The following RNLS variants were observed in gnomAD, a reference collection of about 807,000 sequenced individuals.
The protein encoded by RNLS is renalase, FAD dependent amine oxidase, also known as renalase.
In RNLS, 39 loss-of-function variants were observed where a neutral mutation model predicts 39.8. The observed-to-expected ratio is 0.98, with a 90% CI of 0.76 to 1.28. The LOEUF is 1.28. RNLS is among the 50% of genes most tolerant of loss of function. RNLS has a pLI of 0.00. For missense variants in RNLS, 410 were observed against 413.3 expected, an observed-to-expected ratio of 0.99 and a Z score of 0.07; for synonymous variants, 147 against 150.7, an observed-to-expected ratio of 0.98 and a Z score of 0.18.
intron 5 of RNLS, among the ~76,000 whole-genome samples, chr10:88,335,377 C>A (rs1429437744): frequency 1.3e-5 from 2 of 152,046 alleles, no homozygotes; most frequent in Non-Finnish European, 2.9e-5. Flanking sequence ...TGCCACCATG[C>A]CTGGCTAATT....
the RNLS span, among the ~76,000 whole-genome samples, chr10:88,212,119 C>A: frequency 2.6e-5 from 4 of 152,104 alleles, no homozygotes; most frequent in African/African-American, 7.2e-5. Flanking sequence ...TTTATGATGC[C>A]TTCTCTGACC....
chr10:88,392,909 C>A (rs1294361413), intron 4 of RNLS, among the ~76,000 whole-genome samples: 1 of 151,924 alleles, frequency 6.6e-6, no homozygotes, highest in Non-Finnish European at 1.5e-5. Context: ...TGTAATCCAG[C>A]ATATAAACAG....
At chr10:88,223,583 T>C in the RNLS span, among the ~76,000 whole-genome samples, 8 of 152,346 alleles carry the variant, frequency 5.3e-5, no homozygotes, top group African/African-American at 1.9e-4. Flanking sequence ...GACTTGGGCA[T>C]AATGTGAAAC....
chr10:88,340,574 A>G (rs1847853357), intron 5 of RNLS, among the ~76,000 whole-genome samples: 1 of 152,188 alleles, frequency 6.6e-6, no homozygotes, highest in South Asian at 2.1e-4. Context: ...AGATAAAAAG[A>G]CATTGTTTTA....
intron 4 of RNLS, among the ~76,000 whole-genome samples, chr10:88,449,476 T>C (rs921892891): frequency 6.6e-6 from 1 of 152,236 alleles, no homozygotes; most frequent in African/African-American, 2.4e-5. Flanking sequence ...ATTTATAGCC[T>C]TCTCCTCTGA....
intron 4 of RNLS, among the ~76,000 whole-genome samples, chr10:88,404,717 G>A (rs952976245): frequency 6.6e-6 from 1 of 151,964 alleles, no homozygotes; most frequent in African/African-American, 2.4e-5. Flanking sequence ...ATAAAGAACT[G>A]CAGCAAAGAG....
chr10:88,567,235 TCAGCCAAACA>T (rs532771903), intron 4 of RNLS, among the ~76,000 whole-genome samples: 132 of 152,244 alleles, frequency 8.7e-4, no homozygotes, highest in African/African-American at 2.9e-3. Flanking sequence ...GTTATCTTTC[TCAGCCAAACA>T]CAGCTCAAGT....
chr10:88,301,119 G>GT (rs1844486169), intron 6 of RNLS, among the ~76,000 whole-genome samples: 1 of 152,166 alleles, frequency 6.6e-6, no homozygotes, highest in South Asian at 2.1e-4. Context: ...ACATGGCAGA[G>GT]TAAGTCCCAA....
intron 3 of RNLS, among the ~76,000 whole-genome samples, chr10:88,580,639 A>G (rs1458522612): frequency 6.6e-6 from 1 of 152,206 alleles, no homozygotes; most frequent in Non-Finnish European, 1.5e-5. Flanking sequence ...CTCATAAAAT[A>G]TATAAGGAAC....
intron 4 of RNLS, among the ~76,000 whole-genome samples, chr10:88,506,598 A>G (rs7906679): frequency 0.046 from 6,980 of 151,776 alleles, 522 homozygotes; most frequent in African/African-American, 0.16. Flanking sequence ...ATTTATATCT[A>G]TATATAAGAA....
intron 4 of RNLS, among the ~76,000 whole-genome samples, chr10:88,416,495 C>G (rs926133377): frequency 6.6e-6 from 1 of 152,082 alleles, no homozygotes; most frequent in Non-Finnish European, 1.5e-5. Context: ...TCAGGTGATC[C>G]TCCCACCTTG....
intron 6 of RNLS, among the ~76,000 whole-genome samples, chr10:88,303,592 ATTGCTTTGCT>A (rs146551217): frequency 6.6e-6 from 1 of 152,012 alleles, no homozygotes; most frequent in Admixed American, 6.6e-5. Context: ...AACTGTCCAC[ATTGCTTTGCT>A]TTGCTTTGCT....
At chr10:88,420,257 T>C (rs1297671653) in intron 4 of RNLS, among the ~76,000 whole-genome samples, 1 of 152,106 alleles carries the variant, frequency 6.6e-6, no homozygotes, top group Non-Finnish European at 1.5e-5. Context: ...TCTTTCTTTT[T>C]GGTCACCAGA....
chr10:88,436,138 G>C (rs568607578), intron 4 of RNLS, among the ~76,000 whole-genome samples: 1 of 152,170 alleles, frequency 6.6e-6, no homozygotes, highest in South Asian at 2.1e-4. Context: ...AAGGGACATG[G>C]GAAAGTAAAG....
At chr10:88,573,868 C>T (rs997150609) in intron 3 of RNLS, among the ~76,000 whole-genome samples, 6 of 148,634 alleles carry the variant, frequency 4.0e-5, no homozygotes, top group Non-Finnish European at 9.0e-5. Context: ...AGGCCAGGCA[C>T]GGTGGCTCAC....
At chr10:88,581,285 T>TGC (rs1242839812) in intron 3 of RNLS, among the ~76,000 whole-genome samples, 1 of 108,312 alleles carries the variant, frequency 9.2e-6, no homozygotes, top group Non-Finnish European at 1.9e-5. Context: ...TATGTATGTG[T>TGC]GTGTGTGTGT....
chr10:88,272,379 TAACA>T (rs1335911230), downstream of RNLS, among the ~76,000 whole-genome samples: 1 of 152,166 alleles, frequency 6.6e-6, no homozygotes, highest in East Asian at 1.9e-4. Context: ...TAAATTACTA[TAACA>T]AACCACTTAT....
the RNLS span, among the ~76,000 whole-genome samples, chr10:88,227,261 G>T: frequency 5.3e-5 from 8 of 152,198 alleles, no homozygotes; most frequent in Non-Finnish European, 1.0e-4. Context: ...TGGCTTAGGG[G>T]TAAAGGAGAG....
At chr10:88,356,642 T>C (rs1002948716) in intron 5 of RNLS, among the ~76,000 whole-genome samples, 2 of 152,260 alleles carry the variant, frequency 1.3e-5, no homozygotes, top group African/African-American at 4.8e-5. Context: ...ATTCTAACAA[T>C]AAAATTCTTG....
Sources: allele counts gnomAD v4.1 joint callset (sites outside exome capture counted in the v4.1 genomes callset), GRCh38; gene constraint gnomAD v4.1.1; transcripts MANE v1.5; gene names NCBI Gene and HGNC (gene_info 2026-07-23, HGNC 2026-07-21).